TRPA1: variants seen among roughly 807,000 people sequenced by gnomAD.
TRPA1 encodes the protein ankyrin-like with transmembrane domains 1.
TRPA1 carries 129 observed loss-of-function variants against 131.3 expected under a neutral mutation model. The ratio of observed to expected loss-of-function variants is 0.98; its 90% CI spans 0.85 to 1.14. The LOEUF is 1.14. TRPA1 is among the 50% of genes most tolerant of loss of function. The probability of loss-of-function intolerance (pLI) is 0.00; values close to 1 mark genes in which losing one functional copy is unlikely to be tolerated. For missense variants in TRPA1, 1,304 were observed against 1,354.2 expected (o/e 0.96, Z 0.58); for synonymous variants, 441 against 451.7 (o/e 0.98, Z 0.30).
At chr8:72,033,229 C>CATCA (rs1811899712) in intron 23 of TRPA1, among the ~76,000 whole-genome samples, 1 of 152,234 alleles carries the variant, frequency 6.6e-6, no homozygotes, top group Non-Finnish European at 1.5e-5. Context: ...AACTCCAAAA[C>CATCA]ATCACACACC....
At position 72,071,564 on chromosome 8, in the gene TRPA1, G is replaced by A. The variant is rs1020009335; in HGVS notation, c.268+147C>T. ...GTAGAAGAAGTTGAGGAGTGCTGGT[G>A]TGTAGGAAAACCCACAATTCTAAGT... On this transcript the variant is annotated intron_variant, in intron 2 of 26. Coordinates refer to ENST00000262209, the MANE Select transcript of TRPA1 (RefSeq NM_007332.3). 4.8e-6 allele frequency: 4 copies of A among 829,706 alleles called. No homozygotes were observed. The African/African-American group carries it at 5.1e-5, about 11-fold the overall frequency. The allele number at this position is 829,706 out of a possible 1,614,324, so 51.4% of individuals were successfully genotyped here.
chr8:72,023,694 A>ATCAATAAAG, intron 26 of TRPA1, 120 bp downstream of exon 26: 3 of 668,822 alleles, frequency 4.5e-6, no homozygotes, highest in Non-Finnish European at 7.8e-6. Context: ...AGCTACAGCT[A>ATCAATAAAG]TCAATAAAGC....
rs1811687296 is a variant in TRPA1 at position 72,028,562 on chromosome 8, GTGTT to G, written c.2937+1335_2937+1338del. Among the ~76,000 whole-genome samples the G allele has an allele frequency of 2.0e-5, 3 of 152,222 alleles. No individual in the cohort carries two copies. In the South Asian group the frequency reaches 6.2e-4, roughly 32 times the overall value. ...TGCATTTTTTCCTGTACCTGATCCT[GTGTT>G]TGTTCTCTAAGTGTTCCAATCGCTC... is the stretch of plus-strand genomic sequence containing the variant. On this transcript the variant is annotated intron_variant, in intron 24 of 26. Transcript: ENST00000262209.
upstream of TRPA1, among the ~76,000 whole-genome samples, chr8:72,080,511 G>GA (rs1267423294): frequency 9.9e-5 from 15 of 151,812 alleles, no homozygotes; most frequent in East Asian, 2.7e-3. Flanking sequence ...TTAGGCTCAA[G>GA]AAGAATATTG....
chr8:72,036,532 G>T, intron 20 of TRPA1, 75 bp from the exon 21 acceptor site: 1 of 1,367,102 alleles, frequency 7.3e-7, no homozygotes, highest in South Asian at 1.2e-5. Flanking sequence ...CATGCACCCC[G>T]TAATACAATT....
intron 26 of TRPA1, chr8:72,023,434 G>T: frequency 2.2e-6 from 1 of 460,750 alleles, no homozygotes; most frequent in Non-Finnish European, 4.0e-6. Context: ...TTGAACTCAG[G>T]TACTAACTAA....
chr8:72,059,643 C>T (rs1805759460), intron 7 of TRPA1, among the ~76,000 whole-genome samples: 1 of 152,096 alleles, frequency 6.6e-6, no homozygotes, highest in Non-Finnish European at 1.5e-5. Flanking sequence ...TAGGAGAACA[C>T]CAAATACATC....
At chr8:72,028,703 C>T (rs1034032634) in intron 24 of TRPA1, among the ~76,000 whole-genome samples, 4 of 152,164 alleles carry the variant, frequency 2.6e-5, no homozygotes, top group Non-Finnish European at 2.9e-5. Context: ...GCTAAGTAGG[C>T]ATAGTTGACT....
At chr8:72,052,985 GTGTGTGTGTGAGAGATAGAGAA>G in intron 13 of TRPA1, 1 of 409,196 alleles carries the variant, frequency 2.4e-6, no homozygotes, top group African/African-American at 2.3e-5. Flanking sequence ...GTGTGTGTGT[GTGTGTGTGTGAGAGATAGAGAA>G]AGAGAGAGAG....
chr8:72,063,029 A>T, intron 5 of TRPA1, 85 bp from the exon 6 acceptor site: 1 of 1,327,572 alleles, frequency 7.5e-7, no homozygotes, highest in Non-Finnish European at 1.0e-6. Flanking sequence ...GAACAAAGGT[A>T]AAAAAACAAT....
At chr8:72,082,159 A>T in the TRPA1 span, among the ~76,000 whole-genome samples, 1 of 151,892 alleles carries the variant, frequency 6.6e-6, no homozygotes, top group East Asian at 1.9e-4. Context: ...TAGTATAGTG[A>T]TTACAATGTT....
chr8:72,027,113 G>C (rs894073936), intron 24 of TRPA1, among the ~76,000 whole-genome samples: 7 of 151,684 alleles, frequency 4.6e-5, no homozygotes, highest in African/African-American at 1.7e-4. Flanking sequence ...TTTCCCCTTT[G>C]CTCTTTAGGG....
At chr8:72,024,406 G>A (rs1479259153) in intron 25 of TRPA1, among the ~76,000 whole-genome samples, 1 of 152,146 alleles carries the variant, frequency 6.6e-6, no homozygotes, top group Non-Finnish European at 1.5e-5. Context: ...AAGGGCAGGT[G>A]TGAAATGATC....
upstream of TRPA1, among the ~76,000 whole-genome samples, chr8:72,079,818 A>T (rs1209382983): frequency 2.0e-5 from 3 of 151,970 alleles, no homozygotes; most frequent in East Asian, 5.8e-4. Flanking sequence ...GTTTATATAT[A>T]TCTGTCTTGA....
chr8:72,044,207 GA>G (rs574270169), intron 17 of TRPA1, among the ~76,000 whole-genome samples: 3,166 of 134,170 alleles, frequency 0.024, 117 homozygotes, highest in African/African-American at 0.077. Context: ...CTATTCTTGG[GA>G]AAAAAAAAAA....
In TRPA1 at chr8:72,065,483, T is replaced by C. The variant is rs1805909173; in HGVS notation, c.520A>G (p.Thr174Ala). The change falls in exon 4 of 27, where the codon ACC (threonine) becomes GCC (alanine). Residue 174 changes from threonine (T) to alanine (A), a missense_variant. Thr to Ala is a moderately conservative substitution (Grantham distance 58). Coordinates refer to ENST00000262209, the MANE Select transcript of TRPA1 (RefSeq NM_007332.3). ...NGNTAVIIAC[T>A]TNNSEALQIL... ...TGCAATGCTTCGCTATTATTTGTGG[T>C]GCACGCAATGATCACAGCTGTGTTT... 1 of 1,613,598 alleles carries C rather than the reference T, an allele frequency of 6.2e-7. No individual in the cohort carries two copies.
In TRPA1 at chr8:72,039,901, A is replaced by G. The variant is rs191455883; in HGVS notation, c.2062-104T>C. The G allele has an allele frequency of 7.0e-4, 562 of 800,384 alleles. 6 individuals are homozygous for G. In the African/African-American group the frequency reaches 8.1e-3, roughly 12 times the overall value. The allele number at this position is 800,384 out of a possible 1,614,324, so 49.6% of individuals were successfully genotyped here. A position where few individuals can be genotyped will look rare whatever the true frequency, so the allele number is the denominator to read the frequency against. ...TTTTATAACTGTGTTTGGTATTGTA[A>G]AAGTAACACCTATTTTAGAACATTG... On this transcript the variant is annotated intron_variant, in intron 17 of 26. Coordinates refer to ENST00000262209, the MANE Select transcript of TRPA1 (RefSeq NM_007332.3).
upstream of TRPA1, among the ~76,000 whole-genome samples, chr8:72,079,151 GATAA>G (rs1806242755): frequency 6.6e-6 from 1 of 151,818 alleles, no homozygotes; most frequent in African/African-American, 2.4e-5. Flanking sequence ...TCTTTAAACA[GATAA>G]ATAATTTGCA....
rs1216546847 is a variant in TRPA1 at position 72,062,820 on chromosome 8, A to G, written c.786T>C (p.Gly262=). Residue 262 remains glycine, a synonymous_variant, in exon 6 of 27, where the codon GGT becomes GGC. Coordinates refer to ENST00000262209, the MANE Select transcript of TRPA1 (RefSeq NM_007332.3). ...TTACCTCCACTGGGTCTATTTGTGC[A>G]CCATTGTCCAGGCACATTTTGATCA... ...LEMIKMCLDN[G]AQIDPVEKGR... is the part of the protein sequence containing the mutation. 1.2e-6 allele frequency: 2 copies of G among 1,613,956 alleles called. No homozygotes were observed. The highest frequency in any genetic ancestry group is 1.3e-5 in the African/African-American group (1 of 74,922).
Sources: gnomAD v4.1 joint callset for allele counts (sites outside exome capture counted in the v4.1 genomes callset) on GRCh38, gnomAD v4.1.1 for gene constraint, MANE v1.5 for transcripts, NCBI Gene and HGNC (gene_info 2026-07-23, HGNC 2026-07-21) for gene names.